FRMPD4: variants seen among roughly 807,000 people sequenced by gnomAD.
The protein encoded by FRMPD4 is FERM and PDZ domain-containing protein 4.
Under a neutral mutation model 94.1 loss-of-function variants are expected in FRMPD4, and 22 were observed. The observed-to-expected ratio is 0.23, with a 90% CI of 0.17 to 0.33. The LOEUF (loss-of-function observed/expected upper bound fraction) is 0.33, where lower values mean the gene tolerates loss of function less well. Among genes scored for constraint, FRMPD4 ranks in the 10% least tolerant of loss-of-function variants. The probability of loss-of-function intolerance (pLI) is 1.00; values close to 1 mark genes in which losing one functional copy is unlikely to be tolerated. For synonymous variants in FRMPD4, 631 were observed against 548.6 expected, an observed-to-expected ratio of 1.15 and a Z score of -2.10; for missense variants, 1,111 against 1,339.9, an observed-to-expected ratio of 0.83 and a Z score of 2.67.
chrX:12,281,114 C>T (rs1489220590), intron 1 of FRMPD4, among the ~76,000 whole-genome samples: 1 of 112,325 alleles, frequency 8.9e-6, no homozygotes, highest in Admixed American at 9.4e-5. Flanking sequence ...GCACCAAGCT[C>T]GTCCTTACTT....
Position 12,493,800 on chromosome X carries a change from C to T in FRMPD4, c.42-4880C>T, listed in dbSNP as rs753419482. On this transcript the variant is annotated intron_variant, in intron 1 of 16. Transcript: ENST00000675598. ...AGCAGTTATATCCTTAGAAATGCTG[C>T]GTGCTACTCTTATTAGTATGACCAT... 1.1e-3 allele frequency among the ~76,000 whole-genome samples: 123 copies of T among 112,039 alleles called. 1 individual carries two copies. Among genetic ancestry groups the T allele is most frequent in the Non-Finnish European group, 1.0e-3 (54 of 53,167 alleles).
intron 1 of FRMPD4, among the ~76,000 whole-genome samples, chrX:12,204,860 G>T (rs761714318): frequency 9.5e-4 from 106 of 111,027 alleles, no homozygotes; most frequent in African/African-American, 1.9e-3. Context: ...ATCATTTATA[G>T]ACACTTGCCA....
intron 1 of FRMPD4, among the ~76,000 whole-genome samples, chrX:11,847,363 A>G (rs866145971): frequency 9.5e-6 from 1 of 105,531 alleles, no homozygotes. Flanking sequence ...AATGGCAATC[A>G]TTAAAAAGTC....
At chrX:12,678,978 C>T (rs750200046) in intron 5 of FRMPD4, among the ~76,000 whole-genome samples, 1 of 112,702 alleles carries the variant, frequency 8.9e-6, no homozygotes, top group East Asian at 2.8e-4. Context: ...GAGGGACCCG[C>T]TTTCCTGCCT....
Position 12,535,516 on chromosome X carries a change from G to A in FRMPD4, c.158+36720G>A, listed in dbSNP as rs569846287. Among the ~76,000 whole-genome samples the A allele has an allele frequency of 7.1e-5, 8 of 112,185 alleles. No individual in the cohort carries two copies. In the South Asian group the frequency reaches 3.0e-3, roughly 42 times the overall value. Reference sequence around the variant, plus strand: ...GAGCAAGGTTGTTGGAATCAGATAAGGTTCAAATACCAAGGTTCAAATGTC... The same window carrying A: ...GAGCAAGGTTGTTGGAATCAGATAAAGTTCAAATACCAAGGTTCAAATGTC... On this transcript the variant is annotated intron_variant, in intron 2 of 16. Transcript: ENST00000675598.
intron 3 of FRMPD4, among the ~76,000 whole-genome samples, chrX:11,920,926 G>C (rs916550582): frequency 8.9e-6 from 1 of 111,955 alleles, no homozygotes; most frequent in Non-Finnish European, 1.9e-5. Context: ...TGTCTAGCTG[G>C]ACAATCTGAG....
chrX:12,223,067 C>T (rs2056886403), intron 1 of FRMPD4, among the ~76,000 whole-genome samples: 1 of 112,031 alleles, frequency 8.9e-6, no homozygotes, highest in African/African-American at 3.2e-5. Flanking sequence ...AAGAAACTGA[C>T]AGAAATACCA....
intron 3 of FRMPD4, among the ~76,000 whole-genome samples, chrX:11,991,372 T>C (rs760866828): frequency 7.2e-5 from 8 of 111,833 alleles, no homozygotes; most frequent in Non-Finnish European, 1.3e-4. Flanking sequence ...GAAGTAATGA[T>C]TCCATAAACT....
chrX:12,111,401 C>G (rs1041328828), intron 3 of FRMPD4, among the ~76,000 whole-genome samples: 1 of 111,636 alleles, frequency 9.0e-6, no homozygotes, highest in Non-Finnish European at 1.9e-5. Flanking sequence ...CTTCCTTACA[C>G]GTTATACAAA....
chrX:12,159,027 G>T (rs2055981096), intron 1 of FRMPD4, among the ~76,000 whole-genome samples: 1 of 112,171 alleles, frequency 8.9e-6, no homozygotes, highest in Non-Finnish European at 1.9e-5. Context: ...GCTGGAGCAG[G>T]ATACAAGTGC....
At chrX:12,261,620 A>C (rs1244553600) in intron 1 of FRMPD4, among the ~76,000 whole-genome samples, 1 of 112,250 alleles carries the variant, frequency 8.9e-6, no homozygotes, top group Non-Finnish European at 1.9e-5. Context: ...AACTTATGGC[A>C]TGATGTGCAT....
At chrX:12,018,758 A>G (rs2054617723) in intron 3 of FRMPD4, among the ~76,000 whole-genome samples, 1 of 111,816 alleles carries the variant, frequency 8.9e-6, no homozygotes, top group Admixed American at 9.5e-5. Flanking sequence ...ATTTTGGATT[A>G]GAGCCCACCC....
chrX:12,515,099 TTC>T (rs2058082813), intron 2 of FRMPD4, among the ~76,000 whole-genome samples: 1 of 112,037 alleles, frequency 8.9e-6, no homozygotes, highest in African/African-American at 3.2e-5. Flanking sequence ...TATCTGATTC[TTC>T]TGTCTTTTCT....
chrX:11,846,685 A>G (rs890031373), intron 1 of FRMPD4, among the ~76,000 whole-genome samples: 1 of 108,174 alleles, frequency 9.2e-6, no homozygotes, highest in South Asian at 4.1e-4. Context: ...AAACAGAGAT[A>G]TAGATCAATG....
chrX:12,495,269 C>A (rs1444273489), intron 1 of FRMPD4, among the ~76,000 whole-genome samples: 1 of 111,831 alleles, frequency 8.9e-6, no homozygotes, highest in Non-Finnish European at 1.9e-5. Flanking sequence ...GCAAAACCAC[C>A]CAAAGTCCTA....
chrX:12,616,361 G>C (rs184144375), intron 4 of FRMPD4, among the ~76,000 whole-genome samples: 2 of 112,136 alleles, frequency 1.8e-5, no homozygotes, highest in East Asian at 5.6e-4. Context: ...GGACTTCACT[G>C]CCTCCAGAAC....
chrX:12,252,870 G>A (rs754774192), intron 1 of FRMPD4, among the ~76,000 whole-genome samples: 2 of 111,501 alleles, frequency 1.8e-5, no homozygotes, highest in South Asian at 7.6e-4. Flanking sequence ...ACTTTAGACA[G>A]CAAGGTCAAG....
At chrX:12,059,071 A>T (rs1464044544) in intron 3 of FRMPD4, among the ~76,000 whole-genome samples, 6 of 112,004 alleles carry the variant, frequency 5.4e-5, no homozygotes, top group African/African-American at 1.6e-4. Context: ...TCAAATATTT[A>T]ACATTTATTG....
At chrX:11,923,723 C>G in intron 3 of FRMPD4, among the ~76,000 whole-genome samples, 1 of 112,373 alleles carries the variant, frequency 8.9e-6, no homozygotes, top group Non-Finnish European at 1.9e-5. Flanking sequence ...GCATCTTATA[C>G]CACAAACCCT....
Sources: allele counts gnomAD v4.1 joint callset (sites outside exome capture counted in the v4.1 genomes callset), GRCh38; gene constraint gnomAD v4.1.1; transcripts MANE v1.5; gene names NCBI Gene and HGNC (gene_info 2026-07-23, HGNC 2026-07-21).